ADGRV1: variants seen among roughly 807,000 people sequenced by gnomAD.
ADGRV1 encodes the protein adhesion G protein-coupled receptor V1, also known as G-protein coupled receptor 98.
A neutral mutation model predicts 596.2 loss-of-function variants in ADGRV1; 359 were observed. The ratio of observed to expected loss-of-function variants is 0.60; its 90% CI spans 0.55 to 0.66. The LOEUF is 0.66. Among genes scored for constraint, ADGRV1 ranks in the 30% least tolerant of loss-of-function variants. The probability of loss-of-function intolerance (pLI) is 0.00; values close to 1 mark genes in which losing one functional copy is unlikely to be tolerated. For synonymous variants in ADGRV1, 2,681 were observed against 2,679.2 expected, an observed-to-expected ratio of 1.00 and a Z score of -0.02; for missense variants, 7,274 against 7,575.6, an observed-to-expected ratio of 0.96 and a Z score of 1.48.
At chr5:90,860,734 A>G (rs574640719) in intron 82 of ADGRV1, among the ~76,000 whole-genome samples, 1 of 150,742 alleles carries the variant, frequency 6.6e-6, no homozygotes, top group East Asian at 2.0e-4. Context: ...AAAAAAAAAA[A>G]GCCTAAGCTA....
In ADGRV1 at chr5:91,153,221, G is replaced by A. The variant is rs1796204339; in HGVS notation, c.18625G>A (p.Val6209Met). 6.2e-7 allele frequency: 1 copy of A among 1,601,534 alleles called. No individual in the cohort carries two copies. Among genetic ancestry groups the A allele is most frequent in the Non-Finnish European group, 8.5e-7 (1 of 1,173,810 alleles). The change falls in exon 89 of 90, where the codon GTG (valine) becomes ATG (methionine). Residue 6209 changes from valine (V) to methionine (M), a missense_variant and splice_region_variant. This residue lies in a region of ADGRV1 where 1,874 missense variants were observed against 1,970.2 expected (regional missense o/e 0.95). Coordinates refer to ENST00000405460, the MANE Select transcript of ADGRV1 (RefSeq NM_032119.4). ...TQNLIGAMEEVPPDWERASFQ... is the reference protein window; with the variant it reads ...TQNLIGAMEEMPPDWERASFQ... ...TTTCCCCCCATCCCAATCTAAAAAGGTGCCACCTGACTGGGAGAGAGCATC... is the reference window on the plus strand; with the variant it reads ...TTTCCCCCCATCCCAATCTAAAAAGATGCCACCTGACTGGGAGAGAGCATC...
At chr5:90,652,612 T>C (rs761812889) in intron 19 of ADGRV1, 49 bp downstream of exon 19, 4 of 1,212,474 alleles carry the variant, frequency 3.3e-6, no homozygotes, top group African/African-American at 1.5e-5. Context: ...TTATTTATAC[T>C]AAATTTTACA....
chr5:90,757,671 A>G (rs1755984056), intron 57 of ADGRV1, among the ~76,000 whole-genome samples: 1 of 152,210 alleles, frequency 6.6e-6, no homozygotes, highest in African/African-American at 2.4e-5. Context: ...AAATTGAAAA[A>G]CAATATTCTA....
intron 86 of ADGRV1, among the ~76,000 whole-genome samples, chr5:91,093,136 A>G (rs1339462618): frequency 2.0e-5 from 3 of 152,310 alleles, no homozygotes; most frequent in Admixed American, 6.5e-5. Flanking sequence ...ATTATCCTTT[A>G]TTTTTTATCA....
chr5:90,687,962 T>C lies in ADGRV1; in HGVS notation c.6491-1899T>C, dbSNP rs991178433. Among the ~76,000 whole-genome samples the C allele has an allele frequency of 7.2e-5, 11 of 152,040 alleles. 1 individual carries two copies. Among genetic ancestry groups the C allele is most frequent in the African/African-American group, 1.7e-4 (7 of 41,360 alleles). On this transcript the variant is annotated intron_variant, in intron 29 of 89. Transcript: ENST00000405460. ...GTAGGAAGAATCAATATCGTGAAAA[T>C]GGCCATACTGCTCAAGGTAATTTAT...
chr5:90,937,495 T>C (rs945684086), intron 83 of ADGRV1, among the ~76,000 whole-genome samples: 15 of 146,584 alleles, frequency 1.0e-4, no homozygotes, highest in Non-Finnish European at 2.1e-4. Flanking sequence ...TCTAGCTCTG[T>C]CGCCCAGGCT....
intron 78 of ADGRV1, among the ~76,000 whole-genome samples, chr5:90,847,096 G>T (rs1765962163): frequency 6.6e-6 from 1 of 150,790 alleles, no homozygotes; most frequent in Non-Finnish European, 1.5e-5. Flanking sequence ...AGACATAAAG[G>T]TTCTCCAAGC....
At chr5:90,643,641 G>A (rs1478616228) in intron 13 of ADGRV1, among the ~76,000 whole-genome samples, 162 bp from the exon 14 acceptor site, 4 of 152,102 alleles carry the variant, frequency 2.6e-5, no homozygotes, top group Non-Finnish European at 4.4e-5. Context: ...ATTGATAGGA[G>A]AATGTTAATT....
At chr5:90,969,645 T>C (rs963995535) in intron 84 of ADGRV1, among the ~76,000 whole-genome samples, 2 of 152,248 alleles carry the variant, frequency 1.3e-5, no homozygotes, top group African/African-American at 4.8e-5. Flanking sequence ...ATTCCTTTCT[T>C]GGCCATAGAT....
intron 50 of ADGRV1, among the ~76,000 whole-genome samples, chr5:90,742,027 G>A (rs1216927902): frequency 6.6e-6 from 1 of 152,108 alleles, no homozygotes; most frequent in Admixed American, 6.5e-5. Flanking sequence ...ACTTATCTTC[G>A]CTTTCACCCT....
At position 90,867,728 on chromosome 5, in the gene ADGRV1, G is replaced by A. The variant is rs572970149; in HGVS notation, c.17856+3871G>A. Among the ~76,000 whole-genome samples, 3 of 152,174 alleles carry A rather than the reference G, an allele frequency of 2.0e-5. No homozygotes were observed. In the South Asian group the frequency reaches 6.2e-4, roughly 31 times the overall value. ...CCAACTCAAGAAAGTCATTGTGTGA[G>A]TAAGGCTTGAAGACACATATGTAAC... is the stretch of plus-strand genomic sequence containing the variant. On this transcript the variant is annotated intron_variant, in intron 83 of 89. Transcript: ENST00000405460.
chr5:90,829,759 A>G (rs972313907), intron 77 of ADGRV1, among the ~76,000 whole-genome samples: 1 of 152,122 alleles, frequency 6.6e-6, no homozygotes, highest in Non-Finnish European at 1.5e-5. Context: ...CAACAATACC[A>G]TATACCTTTC....
At chr5:91,161,218 T>C (rs1207308076) in intron 89 of ADGRV1, among the ~76,000 whole-genome samples, 1 of 152,224 alleles carries the variant, frequency 6.6e-6, no homozygotes, top group Non-Finnish European at 1.5e-5. Flanking sequence ...GAATGGCCAC[T>C]GTCTCGCCAG....
rs753803615 is a variant in ADGRV1 at position 90,791,325 on chromosome 5, C to T, written c.14496C>T (p.Asp4832=). ...VVKDGATYKV[D]VVPIKNQVFL... ...AAGATGGTGCCACATATAAAGTGGA[C>T]GTGGTGCCAATAAAGAATCAGGTTT... The change falls in exon 70 of 90, where the codon GAC becomes GAT. Residue 4832 remains aspartate, a synonymous_variant. Coordinates refer to ENST00000405460, the MANE Select transcript of ADGRV1 (RefSeq NM_032119.4). 6.4e-6 allele frequency: 10 copies of T among 1,569,208 alleles called. No individual in the cohort carries two copies. The highest frequency in any genetic ancestry group is 4.7e-5 in the East Asian group (2 of 42,694).
intron 4 of ADGRV1, among the ~76,000 whole-genome samples, chr5:90,622,340 G>A (rs1191840628): frequency 6.6e-6 from 1 of 152,216 alleles, no homozygotes; most frequent in Non-Finnish European, 1.5e-5. Context: ...CAGCAGAACA[G>A]CTAGTTGATG....
intron 45 of ADGRV1, among the ~76,000 whole-genome samples, chr5:90,721,542 A>T (rs1261096303): frequency 4.9e-5 from 1 of 20,226 alleles, no homozygotes; most frequent in Non-Finnish European, 7.2e-5. Context: ...AAAATAAAAT[A>T]AAATAAAATA....
At chr5:91,078,240 A>G (rs1789026146) in intron 86 of ADGRV1, among the ~76,000 whole-genome samples, 1 of 152,114 alleles carries the variant, frequency 6.6e-6, no homozygotes. Flanking sequence ...TTTATAGTGA[A>G]TATTGTAAAT....
At chr5:90,993,710 A>G (rs543193152) in intron 85 of ADGRV1, among the ~76,000 whole-genome samples, 3 of 152,050 alleles carry the variant, frequency 2.0e-5, no homozygotes, top group African/African-American at 7.2e-5. Flanking sequence ...TCAACAGTTT[A>G]TATATCTAGG....
intron 87 of ADGRV1, among the ~76,000 whole-genome samples, chr5:91,127,831 T>G (rs1163839705): frequency 6.6e-6 from 1 of 152,184 alleles, no homozygotes. Flanking sequence ...GTGCTGTTGA[T>G]TCATAACCTA....
Sources: allele counts gnomAD v4.1 joint callset (sites outside exome capture counted in the v4.1 genomes callset), GRCh38; gene constraint gnomAD v4.1.1; regional missense constraint gnomAD v4.1.1; transcripts MANE v1.5; gene names NCBI Gene and HGNC (gene_info 2026-07-23, HGNC 2026-07-21).